Variants in JMJD1C observed in about 807,000 individuals in gnomAD.
JMJD1C encodes the protein jumonji domain containing 1C.
JMJD1C carries 31 observed loss-of-function variants against 245.3 expected under a neutral mutation model. That is an observed-to-expected ratio of 0.13 (90% CI 0.09 to 0.17). The LOEUF (loss-of-function observed/expected upper bound fraction) is 0.17. Among genes scored for constraint, JMJD1C ranks in the 10% least tolerant of loss-of-function variants. The probability of loss-of-function intolerance (pLI) is 1.00; values close to 1 mark genes in which losing one functional copy is unlikely to be tolerated. For synonymous variants in JMJD1C, 1,057 were observed against 1,017.4 expected (o/e 1.04, Z -0.74); for missense variants, 2,691 against 3,000.2 (o/e 0.90, Z 2.41).
intron 2 of JMJD1C, among the ~76,000 whole-genome samples, chr10:63,375,777 G>C (rs1281600779): frequency 6.6e-6 from 1 of 151,718 alleles, no homozygotes; most frequent in Non-Finnish European, 1.5e-5. Flanking sequence ...CTGGTGTTGA[G>C]CTCCTGGCCT....
At chr10:63,415,772 T>C (rs1949761636) in intron 1 of JMJD1C, among the ~76,000 whole-genome samples, 1 of 152,196 alleles carries the variant, frequency 6.6e-6, no homozygotes, top group South Asian at 2.1e-4. Flanking sequence ...GAAAAACAAC[T>C]GCAATGCCCT....
rs376269448 is a variant in JMJD1C, at chr10:63,190,932, C to T, written c.6253G>A (p.Gly2085Ser). The T allele has an allele frequency of 6.2e-7, 1 of 1,614,048 alleles. No individual in the cohort carries two copies. The highest frequency in any genetic ancestry group is 8.5e-7 in the Non-Finnish European group (1 of 1,179,926). The change falls in exon 17 of 26, where the codon GGC (glycine) becomes AGC (serine). Residue 2085 changes from glycine (G) to serine (S), a missense_variant. Physicochemically the swap from Gly to Ser is moderately conservative, Grantham distance 56. Coordinates refer to ENST00000399262, the MANE Select transcript of JMJD1C (RefSeq NM_032776.3). Reference protein sequence around the residue: ...GKLRVGSTDAGIAFAPVYSMG... With the variant: ...GKLRVGSTDASIAFAPVYSMG... ...GAATATACTGGGGCAAAGGCAATGCCAGCATCTGTAGACCCCACACGTAGC... is the reference window on the plus strand; with the variant it reads ...GAATATACTGGGGCAAAGGCAATGCTAGCATCTGTAGACCCCACACGTAGC...
chr10:63,421,113 T>C (rs562574107), intron 1 of JMJD1C, among the ~76,000 whole-genome samples: 2 of 152,224 alleles, frequency 1.3e-5, no homozygotes, highest in Admixed American at 1.3e-4. Flanking sequence ...GGCAGGTGGA[T>C]CATCTGAGGT....
chr10:63,180,969 C>T (rs1388325054), intron 22 of JMJD1C, among the ~76,000 whole-genome samples: 2 of 152,052 alleles, frequency 1.3e-5, no homozygotes, highest in African/African-American at 2.4e-5. Context: ...GGGGTTTCAC[C>T]GTTTTAGCTG....
intron 2 of JMJD1C, among the ~76,000 whole-genome samples, chr10:63,300,006 T>C (rs995480611): frequency 6.6e-6 from 1 of 152,202 alleles, no homozygotes; most frequent in African/African-American, 2.4e-5. Flanking sequence ...GTGGAATGTC[T>C]GAGTTGATGA....
intron 1 of JMJD1C, chr10:63,521,551 G>T: frequency 7.0e-7 from 1 of 1,432,664 alleles, no homozygotes; most frequent in Non-Finnish European, 9.2e-7. Context: ...TGAAGATGGT[G>T]TCCTGGATGA....
At chr10:63,269,200 T>C in intron 2 of JMJD1C, 5 of 985,408 alleles carry the variant, frequency 5.1e-6, no homozygotes, top group Non-Finnish European at 6.0e-6. Flanking sequence ...CTTCCAACAG[T>C]GCAGACACCC....
At chr10:63,302,848 T>G (rs1311031245) in intron 2 of JMJD1C, among the ~76,000 whole-genome samples, 1 of 152,166 alleles carries the variant, frequency 6.6e-6, no homozygotes, top group African/African-American at 2.4e-5. Flanking sequence ...TAATTACACT[T>G]CAGAAACAAA....
At chr10:63,327,090 G>A (rs1340612367) in intron 2 of JMJD1C, among the ~76,000 whole-genome samples, 1 of 152,136 alleles carries the variant, frequency 6.6e-6, no homozygotes. Flanking sequence ...AGGAGGCTGA[G>A]GTAGGAGAAT....
intron 8 of JMJD1C, among the ~76,000 whole-genome samples, chr10:63,210,926 T>C (rs1847243678): frequency 1.3e-5 from 2 of 152,160 alleles, no homozygotes; most frequent in African/African-American, 4.8e-5. Context: ...ATGGAAAGCT[T>C]GTGATCAATG....
At chr10:63,411,842 T>C (rs1267975423) in intron 1 of JMJD1C, among the ~76,000 whole-genome samples, 1 of 148,618 alleles carries the variant, frequency 6.7e-6, no homozygotes, top group Non-Finnish European at 1.5e-5. Context: ...GACCTCATGA[T>C]CCCACCTACC....
At chr10:63,277,247 G>C (rs999211828) in intron 2 of JMJD1C, among the ~76,000 whole-genome samples, 2 of 149,918 alleles carry the variant, frequency 1.3e-5, no homozygotes, top group Admixed American at 6.7e-5. Context: ...CGAATGTGTA[G>C]CCTCGCCTCC....
rs1252417515 is a variant in JMJD1C, at chr10:63,208,523, T to A, written c.3146A>T (p.Tyr1049Phe). The A allele has an allele frequency of 3.1e-6, 5 of 1,614,186 alleles. No individual in the cohort carries two copies. The highest frequency in any genetic ancestry group is 4.2e-6 in the Non-Finnish European group (5 of 1,180,014). The part of the protein sequence containing the change: ...IKGLEGEREN[Y>F]SRVASSSSSP... ...GGAAGATGATGATGCCACTCTGGAATAATTCTCTCTCTCACCCTCAAGTCC... is the reference window on the plus strand; with the variant it reads ...GGAAGATGATGATGCCACTCTGGAAAAATTCTCTCTCTCACCCTCAAGTCC... The change falls in exon 10 of 26, where the codon TAT (tyrosine) becomes TTT (phenylalanine). Residue 1049 changes from tyrosine (Y) to phenylalanine (F), a missense_variant. By Grantham distance (22) the Tyr-to-Phe change is conservative (BLOSUM62 3). Transcript: ENST00000399262.
At chr10:63,485,294 ATACT>A (rs1468051323) in intron 1 of JMJD1C, among the ~76,000 whole-genome samples, 3 of 152,142 alleles carry the variant, frequency 2.0e-5, no homozygotes, top group Non-Finnish European at 4.4e-5. Context: ...TCTTCCTGAA[ATACT>A]TACTGTGCTC....
At chr10:63,403,529 GA>G (rs1198004744) in intron 1 of JMJD1C, among the ~76,000 whole-genome samples, 3 of 152,214 alleles carry the variant, frequency 2.0e-5, no homozygotes, top group South Asian at 2.1e-4. Context: ...TAGTATTTCA[GA>G]GGGCTGTTTT....
At chr10:63,201,526 G>A (rs896818293) in intron 10 of JMJD1C, among the ~76,000 whole-genome samples, 3 of 152,116 alleles carry the variant, frequency 2.0e-5, no homozygotes, top group African/African-American at 4.8e-5. Flanking sequence ...ATAAGTACAA[G>A]AACATTGGCT....
chr10:63,250,684 T>C (rs575661672), intron 3 of JMJD1C, among the ~76,000 whole-genome samples: 42 of 152,340 alleles, frequency 2.8e-4, no homozygotes, highest in African/African-American at 9.6e-4. Flanking sequence ...GGATGTGCGA[T>C]GAGAGAAACA....
chr10:63,520,514 A>G (rs1322497898), intron 1 of JMJD1C, among the ~76,000 whole-genome samples: 2 of 152,158 alleles, frequency 1.3e-5, no homozygotes, highest in Admixed American at 6.5e-5. Flanking sequence ...ACAAAAAAAA[A>G]AAAAAAACAG....
intron 1 of JMJD1C, among the ~76,000 whole-genome samples, chr10:63,427,062 G>T (rs980501253): frequency 3.3e-5 from 5 of 152,220 alleles, no homozygotes; most frequent in Admixed American, 2.6e-4. Context: ...GTTTGTGTAT[G>T]TAAGTAATGC....
Sources: gnomAD v4.1 joint callset for allele counts (sites outside exome capture counted in the v4.1 genomes callset) on GRCh38, gnomAD v4.1.1 for gene constraint, MANE v1.5 for transcripts, NCBI Gene and HGNC (gene_info 2026-07-23, HGNC 2026-07-21) for gene names.